ZNF250: variants seen among roughly 807,000 people sequenced by gnomAD.
ZNF250 encodes the protein zinc finger protein (clone 647).
Under a neutral mutation model 37.1 loss-of-function variants are expected in ZNF250, and 13 were observed. The ratio of observed to expected loss-of-function variants is 0.35; its 90% CI spans 0.23 to 0.56. The LOEUF (loss-of-function observed/expected upper bound fraction) is 0.56. ZNF250 is among the 20% of genes least tolerant of loss of function. The pLI is 0.87. For synonymous variants in ZNF250, 251 were observed against 265.6 expected (o/e 0.94, Z 0.54); for missense variants, 474 against 697.9 (o/e 0.68, Z 3.61).
At chr8:144,884,388 A>G (rs1586894527) in intron 5 of ZNF250, among the ~76,000 whole-genome samples, 1 of 152,142 alleles carries the variant, frequency 6.6e-6, no homozygotes, top group Non-Finnish European at 1.5e-5. Flanking sequence ...AGTGGCTGGG[A>G]TTACAGGCAC....
chr8:144,883,200 T>C (rs1196028966), intron 5 of ZNF250, among the ~76,000 whole-genome samples: 1 of 152,116 alleles, frequency 6.6e-6, no homozygotes, highest in African/African-American at 2.4e-5. Context: ...GTGGGTGCCT[T>C]GTGGGGCAGA....
At chr8:144,901,941 T>TG, upstream of ZNF250, 2 of 152,446 alleles carry the variant, frequency 1.3e-5, no homozygotes, top group East Asian at 3.9e-4. The surrounding 1 kb of genome is among the most constrained non-coding windows in gnomAD (Gnocchi z 5.4). Flanking sequence ...GCCTGGCTGG[T>TG]CCCTGCGCCG....
chr8:144,892,272 T>C (rs1832396973), intron 1 of ZNF250, among the ~76,000 whole-genome samples: 1 of 152,172 alleles, frequency 6.6e-6, no homozygotes, highest in Admixed American at 6.5e-5. Flanking sequence ...TGACTACAAC[T>C]ACTTGAGAAT....
In ZNF250 at chr8:144,889,701, G is replaced by C; in HGVS notation, c.170-7C>G. 6.2e-7 allele frequency: 1 copy of C among 1,612,424 alleles called. No individual in the cohort carries two copies. The highest frequency in any genetic ancestry group is 8.5e-7 in the Non-Finnish European group (1 of 1,179,054). On this transcript the variant is annotated splice_region_variant and splice_polypyrimidine_tract_variant and intron_variant, in intron 3 of 5. Transcript: ENST00000417550. ...GGCTTGGATCCTGGAAGTCCTGCTCGTGGGGAGGGAAGTCTTTGTTTACAC... is the reference window on the plus strand; with the variant it reads ...GGCTTGGATCCTGGAAGTCCTGCTCCTGGGGAGGGAAGTCTTTGTTTACAC...
intron 1 of ZNF250, among the ~76,000 whole-genome samples, chr8:144,892,440 G>T (rs1291705477): frequency 1.3e-5 from 2 of 152,202 alleles, no homozygotes; most frequent in Non-Finnish European, 2.9e-5. Flanking sequence ...AGCCAGACAG[G>T]TATGTGGGAA....
chr8:144,888,825 T>C (rs1447703288), intron 4 of ZNF250, among the ~76,000 whole-genome samples: 1 of 152,140 alleles, frequency 6.6e-6, no homozygotes, highest in Admixed American at 6.6e-5. Context: ...CTCAGCTCAC[T>C]GCAACCTCTG....
chr8:144,891,302 A>G lies in ZNF250; in HGVS notation c.-54-899T>C, dbSNP rs1394507710. ...AAAACGTGGTATAACAAAGCAACCA[A>G]TCCCCTCACATGCTTGGCTCAGATG... On this transcript the variant is annotated intron_variant, in intron 1 of 5. Coordinates refer to ENST00000417550, the MANE Select transcript of ZNF250 (RefSeq NM_001109689.4). This position sits in a 1 kb window ranked among gnomAD's most constrained non-coding sequence, Gnocchi z 4.0. Among the ~76,000 whole-genome samples, 1 of 152,150 alleles carries G rather than the reference A, an allele frequency of 6.6e-6. No homozygotes were observed. Among genetic ancestry groups the G allele is most frequent in the African/African-American group, 2.4e-5 (1 of 41,430 alleles).
chr8:144,893,161 C>A (rs1025916201), intron 1 of ZNF250, among the ~76,000 whole-genome samples: 1 of 152,198 alleles, frequency 6.6e-6, no homozygotes, highest in Non-Finnish European at 1.5e-5. Flanking sequence ...CCACGCCCAG[C>A]CCAACAATAA....
rs1222909841 is a variant in ZNF250 at position 144,897,073 on chromosome 8, C to T, written c.-55+4326G>A. On this transcript the variant is annotated intron_variant, in intron 1 of 5. Transcript: ENST00000417550. The surrounding 1 kb of genome is among the most constrained non-coding windows in gnomAD (Gnocchi z 5.2). ...AAAAGCCACATCGCAGTGAGACATT[C>T]CTATCACTCTTTTTGGAATTCCTGA... is the stretch of plus-strand genomic sequence containing the variant. 5.3e-5 allele frequency among the ~76,000 whole-genome samples: 8 copies of T among 152,214 alleles called. No individual in the cohort carries two copies. Among genetic ancestry groups the T allele is most frequent in the Non-Finnish European group, 1.0e-4 (7 of 68,034 alleles).
chr8:144,886,107 A>AG (rs2129737093), intron 5 of ZNF250, among the ~76,000 whole-genome samples: 1 of 151,954 alleles, frequency 6.6e-6, no homozygotes, highest in Non-Finnish European at 1.5e-5. Context: ...AAAAAAAAAA[A>AG]AAAAAGTTTC....
In ZNF250 at chr8:144,881,726, TTC is replaced by T; in HGVS notation, c.1455_1456del (p.Lys486SerfsTer17). On this transcript the variant is annotated frameshift_variant, in exon 6 of 6. Transcript: ENST00000417550. LOFTEE classifies it high-confidence loss of function. ...CCTCAGGTGCACAATCAGAGTTGCTTTCAGGCTGAAGGCTTTGCCACATTCTG... is the reference window on the plus strand; with the variant it reads ...CCTCAGGTGCACAATCAGAGTTGCTTAGGCTGAAGGCTTTGCCACATTCTG... 1 of 1,614,018 alleles carries T rather than the reference TTC, an allele frequency of 6.2e-7. No homozygotes were observed.
rs1020798911 is a variant in ZNF250 at position 144,897,660 on chromosome 8, AG to A, written c.-55+3738del. On this transcript the variant is annotated intron_variant, in intron 1 of 5. Coordinates refer to ENST00000417550, the MANE Select transcript of ZNF250 (RefSeq NM_001109689.4). This position sits in a 1 kb window ranked among gnomAD's most constrained non-coding sequence, Gnocchi z 5.2. ...ATATAGAGGTGTGAAGTGGGAAATC[AG>A]GGGTCTCACAGCCTTCAGAGCTGAG... Among the ~76,000 whole-genome samples the A allele has an allele frequency of 6.6e-6, 1 of 152,204 alleles. No individual in the cohort carries two copies.
intron 1 of ZNF250, among the ~76,000 whole-genome samples, chr8:144,893,477 C>T (rs1832495783): frequency 1.3e-5 from 2 of 152,140 alleles, no homozygotes. Context: ...ACTACAGACA[C>T]CTGCCTCCAT....
In ZNF250 at chr8:144,891,003, T is replaced by A. The variant is rs1832294360; in HGVS notation, c.-54-600A>T. On this transcript the variant is annotated intron_variant, in intron 1 of 5. Coordinates refer to ENST00000417550, the MANE Select transcript of ZNF250 (RefSeq NM_001109689.4). The surrounding 1 kb of genome is among the most constrained non-coding windows in gnomAD (Gnocchi z 4.0). ...CTGAGTCAACAGTGGCCTAGGGATC[T>A]GGTCTGAGCAGCTGAAGGAAGACTT... 6.6e-6 allele frequency among the ~76,000 whole-genome samples: 1 copy of A among 152,148 alleles called. No homozygotes were observed.
chr8:144,901,690 G>C (rs1226665404), upstream of ZNF250: 1 of 152,274 alleles, frequency 6.6e-6, no homozygotes, highest in East Asian at 1.9e-4. The surrounding 1 kb of genome is among the most constrained non-coding windows in gnomAD (Gnocchi z 5.4). Context: ...CAATGGGCCC[G>C]GCCGGCTCCC....
At chr8:144,892,158 G>C (rs1204797274) in intron 1 of ZNF250, among the ~76,000 whole-genome samples, 4 of 152,238 alleles carry the variant, frequency 2.6e-5, no homozygotes, top group Non-Finnish European at 4.4e-5. Context: ...CCGTGCTGCT[G>C]TTCTCCAAAA....
rs1832292180 is a variant in ZNF250, at chr8:144,890,971, G to A, written c.-54-568C>T. Among the ~76,000 whole-genome samples, 2 of 152,208 alleles carry A rather than the reference G, an allele frequency of 1.3e-5. No individual in the cohort carries two copies. Among genetic ancestry groups the A allele is most frequent in the Non-Finnish European group, 2.9e-5 (2 of 68,046 alleles). On this transcript the variant is annotated intron_variant, in intron 1 of 5. Coordinates refer to ENST00000417550, the MANE Select transcript of ZNF250 (RefSeq NM_001109689.4). The surrounding 1 kb of genome is among the most constrained non-coding windows in gnomAD (Gnocchi z 5.1). Reference sequence around the variant, plus strand: ...GGGAGGCATGGAAGTGGTCAGTTCTGGACAAACTGAGTCAACAGTGGCCTA... The same window carrying A: ...GGGAGGCATGGAAGTGGTCAGTTCTAGACAAACTGAGTCAACAGTGGCCTA...
Position 144,880,302 on chromosome 8 carries a change from C to A in ZNF250, c.*1213G>T. The A allele has an allele frequency of 2.7e-6, 1 of 370,698 alleles. No homozygotes were observed. Among genetic ancestry groups the A allele is most frequent in the East Asian group, 7.7e-5 (1 of 13,024 alleles). The allele number at this position is 370,698 out of a possible 1,614,324, so 23.0% of individuals were successfully genotyped here. A position where few individuals can be genotyped will look rare whatever the true frequency, so the allele number is the denominator to read the frequency against. On this transcript the variant is annotated 3_prime_UTR_variant, in exon 6 of 6. Coordinates refer to ENST00000417550, the MANE Select transcript of ZNF250 (RefSeq NM_001109689.4). ...AAATGTATGTTTTAAATATATCTAC[C>A]AAAGAACAGTATTTTCAGCATTGTT...
At chr8:144,898,928 C>T (rs138323422) in intron 1 of ZNF250, among the ~76,000 whole-genome samples, 1 of 152,264 alleles carries the variant, frequency 6.6e-6, no homozygotes, top group African/African-American at 2.4e-5. Flanking sequence ...GATATCTGAA[C>T]ATACATGTTG....
Sources: gnomAD v4.1 joint callset for allele counts (sites outside exome capture counted in the v4.1 genomes callset) on GRCh38, gnomAD v4.1.1 for gene constraint, Gnocchi (gnomAD v3.1) non-coding constraint, MANE v1.5 for transcripts, NCBI Gene and HGNC (gene_info 2026-07-23, HGNC 2026-07-21) for gene names.